CHST11: variants seen among roughly 807,000 people sequenced by gnomAD.
CHST11 encodes the protein carbohydrate sulfotransferase 11.
In CHST11, 9 loss-of-function variants were observed where a neutral mutation model predicts 30.4. That is an observed-to-expected ratio of 0.30 (90% CI 0.18 to 0.52). CHST11 has a LOEUF of 0.52. Ranked by LOEUF, CHST11 falls within the 20% of genes least tolerant of loss-of-function variation. The pLI, the probability that CHST11 is intolerant of heterozygous loss-of-function variation, is 0.97. For synonymous variants in CHST11, 152 were observed against 187.8 expected (o/e 0.81, Z 1.56); for missense variants, 348 against 460.6 (o/e 0.76, Z 2.24).
chr12:104,654,909 G>A (rs539681066), intron 2 of CHST11, among the ~76,000 whole-genome samples: 2 of 141,840 alleles, frequency 1.4e-5, no homozygotes, highest in East Asian at 4.0e-4. Flanking sequence ...AACAGGAGTG[G>A]TCATAGCATC....
rs981460450 is a variant in CHST11 at position 104,458,376 on chromosome 12, C to CGTG, written c.118+849_118+851dup. On this transcript the variant is annotated intron_variant, in intron 1 of 2. Transcript: ENST00000303694. This position sits in a 1 kb window ranked among gnomAD's most constrained non-coding sequence, Gnocchi z 5.7. Reference sequence around the variant, plus strand: ...CGAGCAACGGGAATCCCCCGGGCGGCGTGGGAATGAACCCCATTCCTCCGG... The same window carrying CGTG: ...CGAGCAACGGGAATCCCCCGGGCGGCGTGGTGGGAATGAACCCCATTCCTCCGG... Among the ~76,000 whole-genome samples, 2 of 152,224 alleles carry CGTG rather than the reference C, an allele frequency of 1.3e-5. No individual in the cohort carries two copies. The highest frequency in any genetic ancestry group is 2.9e-5 in the Non-Finnish European group (2 of 68,036).
chr12:104,527,468 A>G (rs1175243318), intron 1 of CHST11, among the ~76,000 whole-genome samples: 1 of 152,032 alleles, frequency 6.6e-6, no homozygotes, highest in Non-Finnish European at 1.5e-5. Context: ...CAGATCCTTT[A>G]TGACTCAGTT....
chr12:104,622,112 T>C (rs2039165577), intron 2 of CHST11, among the ~76,000 whole-genome samples: 1 of 152,152 alleles, frequency 6.6e-6, no homozygotes, highest in Non-Finnish European at 1.5e-5. Context: ...ATAGGCTGAG[T>C]TGATACAACC....
At chr12:104,598,547 T>C (rs2038927849) in intron 1 of CHST11, among the ~76,000 whole-genome samples, 1 of 152,214 alleles carries the variant, frequency 6.6e-6, no homozygotes, top group African/African-American at 2.4e-5. Flanking sequence ...TTCCTGGGCC[T>C]TAACTTCCAT....
At chr12:104,556,056 G>A (rs2038451508) in intron 1 of CHST11, among the ~76,000 whole-genome samples, 1 of 152,226 alleles carries the variant, frequency 6.6e-6, no homozygotes. Flanking sequence ...GTACAGGTGT[G>A]GAGCACATGC....
intron 1 of CHST11, among the ~76,000 whole-genome samples, chr12:104,592,273 G>A (rs900427818): frequency 6.6e-6 from 1 of 152,094 alleles, no homozygotes; most frequent in Non-Finnish European, 1.5e-5. Context: ...TGTTCAGGGT[G>A]CTACAACAAA....
In CHST11 at chr12:104,713,108, T is replaced by TGGCAGCTACAGAA. The variant is rs1158544464; in HGVS notation, c.205-43839_205-43827dup. ...CAGCAGCGTGTTCTTAAGGATCTGC[T>TGGCAGCTACAGAA]GGCAGCTACAGAAGACAAATAATGA... On this transcript the variant is annotated intron_variant, in intron 2 of 2. Coordinates refer to ENST00000303694, the MANE Select transcript of CHST11 (RefSeq NM_018413.6). 3.9e-5 allele frequency among the ~76,000 whole-genome samples: 6 copies of TGGCAGCTACAGAA among 152,280 alleles called. No individual in the cohort carries two copies. The South Asian group carries it at 1.2e-3, about 32-fold the overall frequency.
intron 2 of CHST11, among the ~76,000 whole-genome samples, chr12:104,675,304 A>G (rs2039730897): frequency 6.6e-6 from 1 of 152,252 alleles, no homozygotes; most frequent in Admixed American, 6.5e-5. Context: ...AGCTTCTGTT[A>G]TGCTCACGTC....
intron 1 of CHST11, among the ~76,000 whole-genome samples, chr12:104,462,285 AATATATTTAT>A (rs1446144968): frequency 5.3e-5 from 8 of 149,554 alleles, no homozygotes; most frequent in African/African-American, 7.3e-5. Flanking sequence ...TATATTATAG[AATATATTTAT>A]ATATATTTAT....
intron 2 of CHST11, among the ~76,000 whole-genome samples, chr12:104,695,829 T>C (rs954345045): frequency 6.6e-6 from 1 of 152,156 alleles, no homozygotes; most frequent in Non-Finnish European, 1.5e-5. Flanking sequence ...AACTTGGACG[T>C]GACGCTTCAC....
intron 1 of CHST11, among the ~76,000 whole-genome samples, chr12:104,488,627 ATGTG>A (rs138634510): frequency 8.2e-6 from 1 of 122,486 alleles, no homozygotes; most frequent in African/African-American, 3.1e-5. Context: ...GTGTGCATGT[ATGTG>A]TGTGTGCGTG....
intron 2 of CHST11, among the ~76,000 whole-genome samples, chr12:104,702,812 A>G (rs550831036): frequency 3.3e-5 from 5 of 152,292 alleles, no homozygotes; most frequent in Admixed American, 6.5e-5. Context: ...CGTTTCTCCA[A>G]GGGCGGACAG....
chr12:104,555,453 G>A (rs945212327), intron 1 of CHST11, among the ~76,000 whole-genome samples: 2 of 152,206 alleles, frequency 1.3e-5, no homozygotes, highest in Non-Finnish European at 2.9e-5. Flanking sequence ...TAGACAGGAG[G>A]CACACACCTT....
chr12:104,555,701 G>A (rs181947353), intron 1 of CHST11, among the ~76,000 whole-genome samples: 2 of 152,352 alleles, frequency 1.3e-5, no homozygotes, highest in Admixed American at 6.5e-5. Context: ...CTGGGAGGCT[G>A]GGTTCTGCCA....
At position 104,601,981 on chromosome 12, in the gene CHST11, A is replaced by C; in HGVS notation, c.194A>C (p.Asn65Thr). 2 of 1,612,022 alleles carry C rather than the reference A, an allele frequency of 1.2e-6. No individual in the cohort carries two copies. Among genetic ancestry groups the C allele is most frequent in the Non-Finnish European group, 1.7e-6 (2 of 1,179,402 alleles). ...GSRSPLQELY[N>T]PIQLELSNTA... ...CGAAGCCCCCTGCAGGAACTCTACAACCCAATCCAGGTAAGCTTCAAGCAC... is the reference window on the plus strand; with the variant it reads ...CGAAGCCCCCTGCAGGAACTCTACACCCCAATCCAGGTAAGCTTCAAGCAC... The change falls in exon 2 of 3, where the codon AAC (asparagine) becomes ACC (threonine). Residue 65 changes from asparagine to threonine, a missense_variant. Physicochemically the swap from Asn to Thr is moderately conservative, Grantham distance 65. Around this residue, in one of 3 missense-constraint regions of CHST11, gnomAD observed 135 missense variants for 155.8 expected, o/e 0.87. Transcript: ENST00000303694.
At chr12:104,607,307 G>T (rs558689448) in intron 2 of CHST11, among the ~76,000 whole-genome samples, 1 of 152,088 alleles carries the variant, frequency 6.6e-6, no homozygotes, top group African/African-American at 2.4e-5. Flanking sequence ...TAGTCCAAAG[G>T]TTGTTGGGGC....
intron 2 of CHST11, among the ~76,000 whole-genome samples, chr12:104,669,982 A>G (rs2039675005): frequency 1.3e-5 from 2 of 152,284 alleles, no homozygotes; most frequent in South Asian, 4.1e-4. Context: ...GCTCAACTCA[A>G]CAAATGTTAG....
chr12:104,705,739 G>C (rs569880484), intron 2 of CHST11, among the ~76,000 whole-genome samples: 1 of 151,856 alleles, frequency 6.6e-6, no homozygotes, highest in African/African-American at 2.4e-5. Flanking sequence ...TGGCCAACAT[G>C]GCGAAACTCC....
intron 1 of CHST11, among the ~76,000 whole-genome samples, chr12:104,545,850 G>A (rs951611630): frequency 1.3e-5 from 2 of 151,876 alleles, no homozygotes; most frequent in East Asian, 1.9e-4. Flanking sequence ...TTTAAAAGCA[G>A]CATCTCACTT....
Sources: allele counts gnomAD v4.1 joint callset (sites outside exome capture counted in the v4.1 genomes callset), GRCh38; gene constraint gnomAD v4.1.1; regional missense constraint gnomAD v4.1.1; non-coding constraint Gnocchi (gnomAD v3.1); transcripts MANE v1.5; gene names NCBI Gene and HGNC (gene_info 2026-07-23, HGNC 2026-07-21).